The following CREBBP variants were observed in gnomAD, a reference collection of about 807,000 sequenced individuals.
The protein encoded by CREBBP is CREB-binding protein.
Under a neutral mutation model 265.0 loss-of-function variants are expected in CREBBP, and 19 were observed. The observed-to-expected ratio is 0.07, with a 90% CI of 0.05 to 0.11. CREBBP has a LOEUF of 0.11. Among genes scored for constraint, CREBBP ranks in the 10% least tolerant of loss-of-function variants. The pLI, the probability that CREBBP is intolerant of heterozygous loss-of-function variation, is 1.00. For synonymous variants in CREBBP, 1,457 were observed against 1,223.7 expected (o/e 1.19, Z -3.98); for missense variants, 2,525 against 3,219.0 (o/e 0.78, Z 5.22).
chr16:3,834,115 C>T (rs76312478), intron 2 of CREBBP, among the ~76,000 whole-genome samples: 1,890 of 152,244 alleles, frequency 0.012, 48 homozygotes, highest in African/African-American at 0.044. Flanking sequence ...ACTGTCAACA[C>T]GAAATGCTGG....
intron 3 of CREBBP, among the ~76,000 whole-genome samples, chr16:3,795,989 C>T (rs1404524099): frequency 1.3e-5 from 2 of 152,140 alleles, no homozygotes; most frequent in African/African-American, 2.4e-5. Context: ...CAAATCAGGA[C>T]CCCAAGAAGG....
At chr16:3,738,874 T>A (rs1026002836) in intron 25 of CREBBP, among the ~76,000 whole-genome samples, 1 of 152,180 alleles carries the variant, frequency 6.6e-6, no homozygotes, top group Non-Finnish European at 1.5e-5. Context: ...GACTCCCACA[T>A]AGTTAGGATG....
chr16:3,738,366 G>A (rs1349270593), intron 26 of CREBBP, among the ~76,000 whole-genome samples, 193 bp downstream of exon 26: 1 of 148,522 alleles, frequency 6.7e-6, no homozygotes. Flanking sequence ...GAAAGAGCTT[G>A]CTACGTGCCC....
chr16:3,821,995 C>T (rs2054149900), intron 2 of CREBBP, among the ~76,000 whole-genome samples: 2 of 152,174 alleles, frequency 1.3e-5, no homozygotes. Context: ...TAGGAGGTTG[C>T]AGTGAGCCAA....
Position 3,731,113 on chromosome 16 carries a change from C to A in CREBBP, c.5172+79G>T, listed in dbSNP as rs1025502619. 5 of 1,483,070 alleles carry A rather than the reference C, an allele frequency of 3.4e-6. No homozygotes were observed. The highest frequency in any genetic ancestry group is 4.6e-6 in the Non-Finnish European group (5 of 1,083,488). 91.9% of individuals were successfully genotyped at this position (1,483,070 alleles called of 1,614,324 possible). Reference sequence around the variant, plus strand: ...CCACCATCAGGTACAGACACCAACCCGGGCACCCATGCAAAGGGACAGGAT... The same window carrying A: ...CCACCATCAGGTACAGACACCAACCAGGGCACCCATGCAAAGGGACAGGAT... On this transcript the variant is annotated intron_variant, in intron 30 of 30. Transcript: ENST00000262367. The surrounding 1 kb of genome is among the most constrained non-coding windows in gnomAD (Gnocchi z 7.7).
intron 26 of CREBBP, 33 bp from the exon 27 acceptor site, chr16:3,736,848 G>A (rs755841173): frequency 7.0e-5 from 113 of 1,613,536 alleles, no homozygotes; most frequent in Non-Finnish European, 8.9e-5. Context: ...TCAGATGAAC[G>A]TGCCAGTGAA....
At chr16:3,774,066 TG>T in intron 12 of CREBBP, 136 bp from the exon 13 acceptor site, 1 of 961,792 alleles carries the variant, frequency 1.0e-6, no homozygotes, top group Non-Finnish European at 1.6e-6. Context: ...CCCTTCCTCA[TG>T]GGAAGAGACC....
chr16:3,748,014 C>T (rs1333298130), intron 21 of CREBBP, among the ~76,000 whole-genome samples: 2 of 152,174 alleles, frequency 1.3e-5, no homozygotes, highest in Non-Finnish European at 2.9e-5. Context: ...CGCTTGAACC[C>T]GGGAGACGGA....
intron 2 of CREBBP, among the ~76,000 whole-genome samples, chr16:3,845,998 C>T (rs943864947): frequency 6.6e-6 from 1 of 150,786 alleles, no homozygotes; most frequent in Non-Finnish European, 1.5e-5. Context: ...AACCTAAAAG[C>T]CATAAAGGAA....
At chr16:3,798,284 C>T (rs372267640) in intron 3 of CREBBP, among the ~76,000 whole-genome samples, 47 of 152,222 alleles carry the variant, frequency 3.1e-4, no homozygotes, top group African/African-American at 1.1e-3. Flanking sequence ...TTTCTTACTA[C>T]GTCACCAAAA....
chr16:3,780,011 G>A (rs562291167), intron 8 of CREBBP, among the ~76,000 whole-genome samples: 56 of 152,248 alleles, frequency 3.7e-4, no homozygotes, highest in Non-Finnish European at 6.0e-4. Flanking sequence ...GGAGGCTGAG[G>A]TGGACGGATC....
chr16:3,849,600 G>C (rs1316530998), intron 2 of CREBBP, among the ~76,000 whole-genome samples: 23 of 138,192 alleles, frequency 1.7e-4, no homozygotes, highest in African/African-American at 5.7e-4. Context: ...CAAACTCCTA[G>C]AGTTGAGCTA....
chr16:3,764,938 G>A (rs111389813), intron 16 of CREBBP, among the ~76,000 whole-genome samples: 33 of 151,564 alleles, frequency 2.2e-4, no homozygotes, highest in South Asian at 2.1e-4. Flanking sequence ...AATCTTAAGC[G>A]TTTGGTACAT....
At chr16:3,730,804 G>A (rs1034665634) in intron 30 of CREBBP, among the ~76,000 whole-genome samples, 3 of 152,138 alleles carry the variant, frequency 2.0e-5, no homozygotes, top group Admixed American at 1.3e-4. Context: ...ATTTCACAGG[G>A]GGGTCAAAAT....
At chr16:3,875,498 G>C (rs1223473631) in intron 1 of CREBBP, among the ~76,000 whole-genome samples, 1 of 152,144 alleles carries the variant, frequency 6.6e-6, no homozygotes, top group Non-Finnish European at 1.5e-5. Flanking sequence ...AGGGAAAAGG[G>C]GGACGCCCTA....
At chr16:3,847,215 T>C (rs998024237) in intron 2 of CREBBP, among the ~76,000 whole-genome samples, 5 of 152,238 alleles carry the variant, frequency 3.3e-5, no homozygotes, top group African/African-American at 9.6e-5. Flanking sequence ...AAGGTGCTTA[T>C]GTAGTCTGGT....
intron 2 of CREBBP, among the ~76,000 whole-genome samples, chr16:3,820,829 A>G (rs1320508895): frequency 6.6e-6 from 1 of 151,982 alleles, no homozygotes; most frequent in East Asian, 1.9e-4. Context: ...CACTGTGTAC[A>G]CACACACACA....
At chr16:3,751,956 G>C in intron 19 of CREBBP, 150 bp from the exon 20 acceptor site, 2 of 731,114 alleles carry the variant, frequency 2.7e-6, no homozygotes, top group Non-Finnish European at 4.9e-6. Flanking sequence ...GACAATGAAA[G>C]GAACAGGGGG....
chr16:3,873,474 C>A (rs964529594), intron 1 of CREBBP, among the ~76,000 whole-genome samples: 1 of 152,200 alleles, frequency 6.6e-6, no homozygotes, highest in Non-Finnish European at 1.5e-5. Flanking sequence ...GCACACATGG[C>A]TTCTGTCCTT....
Sources: gnomAD v4.1 joint callset for allele counts (sites outside exome capture counted in the v4.1 genomes callset) on GRCh38, gnomAD v4.1.1 for gene constraint, Gnocchi (gnomAD v3.1) non-coding constraint, MANE v1.5 for transcripts, NCBI Gene and HGNC (gene_info 2026-07-23, HGNC 2026-07-21) for gene names.